The following SEMA3A variants were observed in gnomAD, a reference collection of about 807,000 sequenced individuals.
SEMA3A encodes semaphorin-3A.
Under a neutral mutation model 97.9 loss-of-function variants are expected in SEMA3A, and 29 were observed. That is an observed-to-expected ratio of 0.30 (90% CI 0.22 to 0.40). SEMA3A has a LOEUF of 0.40. SEMA3A is among the 10% of genes least tolerant of loss of function. The pLI is 1.00. For synonymous variants in SEMA3A, 321 were observed against 323.7 expected (o/e 0.99, Z 0.09); for missense variants, 763 against 951.3 (o/e 0.80, Z 2.60).
chr7:84,271,182 C>G (rs1214159556), intron 3 of SEMA3A, among the ~76,000 whole-genome samples: 2 of 151,784 alleles, frequency 1.3e-5, no homozygotes, highest in Admixed American at 6.6e-5. Flanking sequence ...CTGATGTGTA[C>G]TCATTTTAAT....
intron 4 of SEMA3A, among the ~76,000 whole-genome samples, chr7:84,094,965 A>G (rs1458095860): frequency 6.6e-6 from 1 of 151,646 alleles, no homozygotes; most frequent in East Asian, 1.9e-4. Context: ...CATTAATTAT[A>G]TTGTTTATAT....
chr7:84,150,615 A>G (rs1240814424), intron 1 of SEMA3A, among the ~76,000 whole-genome samples: 3 of 152,140 alleles, frequency 2.0e-5, no homozygotes, highest in African/African-American at 4.8e-5. Context: ...GCTGATTGCT[A>G]GCACAGCAGT....
intron 1 of SEMA3A, among the ~76,000 whole-genome samples, chr7:84,470,527 T>C (rs1053753076): frequency 6.6e-6 from 1 of 152,112 alleles, no homozygotes; most frequent in Non-Finnish European, 1.5e-5. Context: ...CCTTTGTGCA[T>C]GGGTCTTACC....
At chr7:84,148,283 TC>T (rs1401329040) in intron 1 of SEMA3A, among the ~76,000 whole-genome samples, 2 of 152,094 alleles carry the variant, frequency 1.3e-5, no homozygotes, top group African/African-American at 4.8e-5. Context: ...GATATGGCAT[TC>T]CTAGCTATGT....
At chr7:84,033,736 T>C (rs1562986524) in intron 6 of SEMA3A, among the ~76,000 whole-genome samples, 1 of 152,112 alleles carries the variant, frequency 6.6e-6, no homozygotes, top group African/African-American at 2.4e-5. Context: ...TGAGTCCTTC[T>C]CAAGTTTTAA....
intron 1 of SEMA3A, among the ~76,000 whole-genome samples, chr7:84,428,157 A>G (rs1804876726): frequency 6.6e-6 from 1 of 152,124 alleles, no homozygotes; most frequent in African/African-American, 2.4e-5. Context: ...TATCAGATTC[A>G]ATAACGCTTT....
At chr7:84,445,500 AAAAAAAAAAAAAAAAAAAAAGAAAAG>A (rs1805388373) in intron 1 of SEMA3A, among the ~76,000 whole-genome samples, 1 of 136,284 alleles carries the variant, frequency 7.3e-6, no homozygotes, top group Non-Finnish European at 1.5e-5. Flanking sequence ...TCTCAAAAAA[AAAAAAAAAAAAAAAAAAAAAGAAAAG>A]AAAAGAAAAG....
At chr7:84,403,723 A>C (rs946312371) in intron 1 of SEMA3A, among the ~76,000 whole-genome samples, 1 of 152,064 alleles carries the variant, frequency 6.6e-6, no homozygotes, top group African/African-American at 2.4e-5. Flanking sequence ...AGGCAGCAAC[A>C]TTTGCGGTTC....
rs749733567 is a variant in SEMA3A at position 84,072,675 on chromosome 7, G to A, written c.454-12117C>T. ...AGGTTTATATAGGTATTTGGAATAC[G>A]GAGGTGAAAGATCTAGTTGTGAATC... On this transcript the variant is annotated intron_variant, in intron 4 of 16. Coordinates refer to ENST00000265362, the MANE Select transcript of SEMA3A (RefSeq NM_006080.3). Among the ~76,000 whole-genome samples, 5 of 152,092 alleles carry A rather than the reference G, an allele frequency of 3.3e-5. No homozygotes were observed. In the East Asian group the frequency reaches 5.8e-4, roughly 18 times the overall value.
intron 16 of SEMA3A, 105 bp downstream of exon 16, chr7:83,963,100 G>T (rs986653523): frequency 2.5e-6 from 3 of 1,218,912 alleles, no homozygotes; most frequent in Non-Finnish European, 3.5e-6. Flanking sequence ...TTCAGAAGAG[G>T]ATAAGCATTC....
intron 2 of SEMA3A, among the ~76,000 whole-genome samples, chr7:84,332,702 T>C (rs1337511144): frequency 6.6e-6 from 1 of 151,956 alleles, no homozygotes; most frequent in African/African-American, 2.4e-5. Context: ...CACACACGTA[T>C]GTATAAATCT....
intron 3 of SEMA3A, among the ~76,000 whole-genome samples, chr7:84,229,241 T>C (rs981279870): frequency 2.0e-5 from 3 of 152,070 alleles, no homozygotes; most frequent in African/African-American, 7.2e-5. Flanking sequence ...TAAAACCAAA[T>C]AATTCAGACA....
chr7:83,996,885 TA>T (rs1465490449), intron 12 of SEMA3A, among the ~76,000 whole-genome samples: 1 of 152,162 alleles, frequency 6.6e-6, no homozygotes, highest in African/African-American at 2.4e-5. Context: ...TATTACCTAT[TA>T]AAAATTTTAC....
At chr7:83,987,030 CTTTAA>C (rs991304218) in intron 12 of SEMA3A, among the ~76,000 whole-genome samples, 10 of 151,282 alleles carry the variant, frequency 6.6e-5, no homozygotes, top group Non-Finnish European at 1.0e-4. Context: ...CATTTCCTTG[CTTTAA>C]TTTTTCTCTT....
chr7:84,338,180 TAAATA>T (rs1037646501), intron 2 of SEMA3A, among the ~76,000 whole-genome samples: 1 of 150,868 alleles, frequency 6.6e-6, no homozygotes, highest in African/African-American at 2.4e-5. Context: ...TATATATATA[TAAATA>T]AAATAGTGGA....
intron 15 of SEMA3A, among the ~76,000 whole-genome samples, chr7:83,963,914 C>T (rs970352772): frequency 2.6e-5 from 4 of 152,088 alleles, no homozygotes; most frequent in African/African-American, 7.2e-5. Context: ...AAATAATCTA[C>T]AAGTTTGTTC....
intron 3 of SEMA3A, among the ~76,000 whole-genome samples, chr7:84,114,480 T>A (rs957847812): frequency 6.6e-6 from 1 of 152,140 alleles, no homozygotes; most frequent in Non-Finnish European, 1.5e-5. Context: ...TTCTATCCCA[T>A]CGATAGTTTG....
chr7:84,031,415 A>T (rs35010413), intron 6 of SEMA3A, among the ~76,000 whole-genome samples: 104,559 of 151,670 alleles, frequency 0.69, 36,231 homozygotes, highest in Middle Eastern at 0.77. Context: ...CTGGCCAAAA[A>T]ATTCTATACA....
chr7:84,164,482 G>T (rs948383672), intron 1 of SEMA3A, among the ~76,000 whole-genome samples: 6 of 151,960 alleles, frequency 3.9e-5, no homozygotes, highest in African/African-American at 1.5e-4. Flanking sequence ...TATCCCATTG[G>T]ATAAGACTGT....
Sources: gnomAD v4.1 joint callset for allele counts (sites outside exome capture counted in the v4.1 genomes callset) on GRCh38, gnomAD v4.1.1 for gene constraint, MANE v1.5 for transcripts, NCBI Gene and HGNC (gene_info 2026-07-23, HGNC 2026-07-21) for gene names.